Variants in DOCK2 observed in about 807,000 individuals in gnomAD.
The protein encoded by DOCK2 is dedicator of cytokinesis protein 2.
In DOCK2, 87 loss-of-function variants were observed where a neutral mutation model predicts 248.9. The ratio of observed to expected loss-of-function variants is 0.35; its 90% confidence interval spans 0.29 to 0.42. The LOEUF (loss-of-function observed/expected upper bound fraction) is 0.42, where lower values mean the gene tolerates loss of function less well. Among genes scored for constraint, DOCK2 ranks in the 10% least tolerant of loss-of-function variants. The pLI is 1.00. For missense variants in DOCK2, 1,747 were observed against 2,300.2 expected (o/e 0.76, Z 4.92); for synonymous variants, 805 against 821.6 (o/e 0.98, Z 0.35).
intron 27 of DOCK2, among the ~76,000 whole-genome samples, chr5:169,941,329 G>T (rs529622908): frequency 4.8e-4 from 73 of 152,064 alleles, no homozygotes; most frequent in Non-Finnish European, 9.1e-4. Context: ...TGTCTCAGCC[G>T]CCCAAGTAGC....
chr5:170,005,773 G>A (rs1755013096), intron 30 of DOCK2, among the ~76,000 whole-genome samples: 1 of 152,034 alleles, frequency 6.6e-6, no homozygotes, highest in African/African-American at 2.4e-5. Flanking sequence ...TCAGGAATGG[G>A]ATGACAGAGA....
chr5:169,657,594 T>A (rs1758194959), intron 2 of DOCK2, among the ~76,000 whole-genome samples: 1 of 152,118 alleles, frequency 6.6e-6, no homozygotes, highest in African/African-American at 2.4e-5. Context: ...AAAAAAGCAG[T>A]GTGATTTTTT....
chr5:169,923,149 T>C (rs1343339609), intron 27 of DOCK2, among the ~76,000 whole-genome samples: 1 of 152,210 alleles, frequency 6.6e-6, no homozygotes, highest in Non-Finnish European at 1.5e-5. Flanking sequence ...ACCTCTGTGC[T>C]GGGTTCCTTC....
chr5:169,983,674 C>T (rs764574219), intron 28 of DOCK2, among the ~76,000 whole-genome samples: 4 of 152,154 alleles, frequency 2.6e-5, no homozygotes, highest in Non-Finnish European at 4.4e-5. Flanking sequence ...AGAGCCCAGC[C>T]CAGGCTGTTC....
In DOCK2 at chr5:169,718,778, A is replaced by T. The variant is rs371936048; in HGVS notation, c.2254A>T (p.Thr752Ser). 1.5e-5 allele frequency: 25 copies of T among 1,613,554 alleles called. No homozygotes were observed. In the African/African-American group the frequency reaches 3.2e-4, roughly 21 times the overall value. ...GTTCAAGTTCATTGTTCGGTCGAGGACATTATTTTCACAGTGAGTACTTGT... is the reference window on the plus strand; with the variant it reads ...GTTCAAGTTCATTGTTCGGTCGAGGTCATTATTTTCACAGTGAGTACTTGT... ...YVFKFIVRSR[T>S]LFSQLYEGKE... The change falls in exon 22 of 52, where the codon ACA becomes TCA. Residue 752 changes from threonine (T) to serine (S), a missense_variant. By Grantham distance (58) the Thr-to-Ser change is moderately conservative (BLOSUM62 1). Transcript: ENST00000520908.
chr5:169,916,348 G>A (rs1388131414), intron 27 of DOCK2, among the ~76,000 whole-genome samples: 1 of 152,160 alleles, frequency 6.6e-6, no homozygotes, highest in Non-Finnish European at 1.5e-5. Context: ...TTTGACAGGT[G>A]GCCTTTCATC....
chr5:169,670,446 C>T, intron 3 of DOCK2, 96 bp from the exon 4 acceptor site: 1 of 1,413,370 alleles, frequency 7.1e-7, no homozygotes, highest in Non-Finnish European at 9.4e-7. Context: ...AAGCCAGTAG[C>T]TTTTGGAAAA....
intron 26 of DOCK2, 126 bp downstream of exon 26, chr5:169,803,332 A>C: frequency 1.5e-6 from 2 of 1,297,644 alleles, no homozygotes; most frequent in Non-Finnish European, 2.1e-6. Flanking sequence ...CTTGCTCAGC[A>C]GGCCTACTTT....
intron 27 of DOCK2, among the ~76,000 whole-genome samples, chr5:169,919,708 C>T (rs1314799576): frequency 1.3e-5 from 2 of 152,226 alleles, no homozygotes; most frequent in East Asian, 3.9e-4. Flanking sequence ...GCACTCATGG[C>T]CTTTCCCCTG....
At chr5:169,937,007 A>G (rs1776029176) in intron 27 of DOCK2, among the ~76,000 whole-genome samples, 1 of 152,114 alleles carries the variant, frequency 6.6e-6, no homozygotes, top group Non-Finnish European at 1.5e-5. Context: ...TAGCTTGAAC[A>G]CTGTGGAGGA....
intron 46 of DOCK2, among the ~76,000 whole-genome samples, chr5:170,073,012 G>A (rs1481775964): frequency 6.6e-6 from 1 of 151,968 alleles, no homozygotes; most frequent in Non-Finnish European, 1.5e-5. Flanking sequence ...TTGTAATTTT[G>A]GTCAGGTTTA....
In DOCK2 at chr5:170,043,959, A is replaced by T. The variant is rs150903060; in HGVS notation, c.3876+1827A>T. ...GCATTGCCCTTTGGCATTGTGCAAT[A>T]ATGGGGAAAAAGGCAAAGGAACAGG... is the stretch of plus-strand genomic sequence containing the variant. On this transcript the variant is annotated intron_variant, in intron 38 of 51. Transcript: ENST00000520908. Among the ~76,000 whole-genome samples the T allele has an allele frequency of 4.0e-3, 615 of 152,378 alleles. 10 individuals carry two copies. Among genetic ancestry groups the T allele is most frequent in the East Asian group, 0.03 (157 of 5,196 alleles).
At chr5:169,864,358 G>T in intron 27 of DOCK2, 2 of 1,551,522 alleles carry the variant, frequency 1.3e-6, no homozygotes, top group Non-Finnish European at 1.7e-6. Flanking sequence ...TTCTGCTGGG[G>T]ACTTTGGTGG....
intron 27 of DOCK2, among the ~76,000 whole-genome samples, chr5:169,894,911 C>T (rs1452372987): frequency 6.6e-6 from 1 of 152,148 alleles, no homozygotes; most frequent in East Asian, 1.9e-4. Flanking sequence ...AAAATGCTGC[C>T]AAATGTCCCG....
intron 27 of DOCK2, among the ~76,000 whole-genome samples, chr5:169,863,521 A>T (rs985138521): frequency 6.6e-6 from 1 of 152,246 alleles, no homozygotes; most frequent in East Asian, 1.9e-4. Flanking sequence ...GAGAAGAAGC[A>T]TGATGGTTTA....
chr5:170,056,084 T>C (rs761368186), intron 42 of DOCK2, among the ~76,000 whole-genome samples: 114 of 152,292 alleles, frequency 7.5e-4, no homozygotes, highest in Middle Eastern at 3.4e-3. Context: ...CTTTGCAAGA[T>C]GAAGGACCCT....
intron 46 of DOCK2, among the ~76,000 whole-genome samples, chr5:170,074,293 C>T (rs1264538432): frequency 1.3e-5 from 2 of 152,072 alleles, no homozygotes; most frequent in African/African-American, 4.8e-5. Flanking sequence ...TTCTTTCCTT[C>T]TTTTCTTCCT....
At chr5:169,789,317 C>T (rs552860518) in intron 25 of DOCK2, among the ~76,000 whole-genome samples, 53 of 152,280 alleles carry the variant, frequency 3.5e-4, no homozygotes, top group African/African-American at 9.4e-4. Flanking sequence ...AATGAATGTA[C>T]GTGTGCATGT....
chr5:169,829,259 T>G (rs1356766926), intron 26 of DOCK2, among the ~76,000 whole-genome samples: 2 of 152,152 alleles, frequency 1.3e-5, no homozygotes, highest in African/African-American at 4.8e-5. Context: ...TGCCCATGGA[T>G]GCATGTTTTG....
Sources: gnomAD v4.1 joint callset for allele counts (sites outside exome capture counted in the v4.1 genomes callset) on GRCh38, gnomAD v4.1.1 for gene constraint, MANE v1.5 for transcripts, NCBI Gene and HGNC (gene_info 2026-07-23, HGNC 2026-07-21) for gene names.